Variants in CSGALNACT1 observed in about 807,000 individuals in gnomAD.
CSGALNACT1 encodes the protein beta4GalNAcT-1.
Under a neutral mutation model 51.0 loss-of-function variants are expected in CSGALNACT1, and 52 were observed. The observed-to-expected ratio is 1.02, with a 90% CI of 0.82 to 1.29. The LOEUF (loss-of-function observed/expected upper bound fraction) is 1.29. CSGALNACT1 is among the 50% of genes most tolerant of loss of function. The pLI, the probability that CSGALNACT1 is intolerant of heterozygous loss-of-function variation, is 0.00. For missense variants in CSGALNACT1, 935 were observed against 679.2 expected (o/e 1.38, Z -4.19); for synonymous variants, 341 against 254.4 (o/e 1.34, Z -3.24).
chr8:19,410,321 G>T (rs1288351841), intron 8 of CSGALNACT1, among the ~76,000 whole-genome samples: 1 of 152,174 alleles, frequency 6.6e-6, no homozygotes, highest in Non-Finnish European at 1.5e-5. Context: ...TTGTAAGGCG[G>T]CAAAGTCTGG....
chr8:19,579,895 A>T (rs1382583122), intron 3 of CSGALNACT1, among the ~76,000 whole-genome samples: 1 of 152,248 alleles, frequency 6.6e-6, no homozygotes, highest in Admixed American at 6.5e-5. Flanking sequence ...GAGAACAATT[A>T]CAAAAGCTGG....
At chr8:19,464,967 G>C (rs1363575665) in intron 4 of CSGALNACT1, among the ~76,000 whole-genome samples, 3 of 152,224 alleles carry the variant, frequency 2.0e-5, no homozygotes, top group Non-Finnish European at 4.4e-5. Context: ...AATACCATAT[G>C]ATTCAGCAAT....
At chr8:19,493,032 G>A (rs1419639067) in intron 4 of CSGALNACT1, among the ~76,000 whole-genome samples, 3 of 145,676 alleles carry the variant, frequency 2.1e-5, no homozygotes, top group Non-Finnish European at 4.5e-5. Flanking sequence ...CAATAAATTC[G>A]ATAGCTGCCT....
At chr8:19,649,261 C>G (rs1310017392) in intron 1 of CSGALNACT1, among the ~76,000 whole-genome samples, 1 of 152,114 alleles carries the variant, frequency 6.6e-6, no homozygotes, top group Admixed American at 6.6e-5. Flanking sequence ...CTACAAAGAA[C>G]CTCCTAGTGT....
intron 4 of CSGALNACT1, among the ~76,000 whole-genome samples, chr8:19,479,608 TAAG>T (rs1445447480): frequency 6.6e-6 from 1 of 152,148 alleles, no homozygotes; most frequent in Non-Finnish European, 1.5e-5. Flanking sequence ...ATGAAAGGTA[TAAG>T]AAGTGCTGTT....
chr8:19,494,737 A>G (rs527907861), intron 4 of CSGALNACT1, among the ~76,000 whole-genome samples: 2 of 152,234 alleles, frequency 1.3e-5, no homozygotes, highest in East Asian at 3.9e-4. Flanking sequence ...GTTCTTTACA[A>G]TCAGCACCCT....
intron 3 of CSGALNACT1, among the ~76,000 whole-genome samples, chr8:19,513,217 G>T (rs967392740): frequency 1.3e-5 from 2 of 151,998 alleles, no homozygotes; most frequent in African/African-American, 4.8e-5. Context: ...CTGAATATTA[G>T]AGGTGGGTGG....
intron 5 of CSGALNACT1, among the ~76,000 whole-genome samples, chr8:19,443,382 C>T (rs554140229): frequency 8.2e-4 from 125 of 152,202 alleles, no homozygotes; most frequent in African/African-American, 2.9e-3. Context: ...TGTACAGTTT[C>T]CCCTCAGTAT....
chr8:19,727,322 G>A (rs1445235036), intron 1 of CSGALNACT1, among the ~76,000 whole-genome samples: 1 of 95,696 alleles, frequency 1.0e-5, no homozygotes, highest in East Asian at 4.5e-4. Context: ...GTTTTGTTTT[G>A]TTTGATTTGG....
At chr8:19,651,930 GTT>G (rs201687449) in intron 1 of CSGALNACT1, among the ~76,000 whole-genome samples, 2 of 145,562 alleles carry the variant, frequency 1.4e-5, no homozygotes, top group African/African-American at 2.6e-5. Flanking sequence ...TTTTTGTTTT[GTT>G]TTGTTTTGAC....
intron 3 of CSGALNACT1, among the ~76,000 whole-genome samples, chr8:19,522,099 G>C (rs934864219): frequency 6.6e-6 from 1 of 152,168 alleles, no homozygotes; most frequent in African/African-American, 2.4e-5. Flanking sequence ...GCACAGAAAG[G>C]CTTGTCTTAT....
chr8:19,738,301 G>A (rs956575980), intron 1 of CSGALNACT1, among the ~76,000 whole-genome samples: 2 of 152,176 alleles, frequency 1.3e-5, no homozygotes, highest in East Asian at 3.8e-4. Flanking sequence ...GCTTTAAAAA[G>A]AAAGAAAATT....
In CSGALNACT1 at chr8:19,440,071, G is replaced by C. The variant is rs4922024; in HGVS notation, c.852-140C>G. 40,183 of 726,810 alleles carry C rather than the reference G, an allele frequency of 0.055. 1,298 individuals carry two copies. Among genetic ancestry groups the C allele is most frequent in the Non-Finnish European group, 0.065 (26,279 of 407,032 alleles). The allele number at this position is 726,810 out of a possible 1,614,324, so 45.0% of individuals were successfully genotyped here. On this transcript the variant is annotated intron_variant, in intron 5 of 9. Coordinates refer to ENST00000454498, the Ensembl canonical transcript of CSGALNACT1. ...CCAGGAGAGCCGAGATGGGAATCCAGAACCTTTCTGGTTGGCCATTCCAAC... is the reference window on the plus strand; with the variant it reads ...CCAGGAGAGCCGAGATGGGAATCCACAACCTTTCTGGTTGGCCATTCCAAC...
At chr8:19,737,655 T>A (rs762693064) in intron 1 of CSGALNACT1, among the ~76,000 whole-genome samples, 15 of 151,336 alleles carry the variant, frequency 9.9e-5, no homozygotes, top group African/African-American at 2.9e-4. Context: ...AAATGAAACA[T>A]AAAAGAAGTA....
At chr8:19,492,376 A>C (rs1233971726) in intron 4 of CSGALNACT1, among the ~76,000 whole-genome samples, 1 of 152,206 alleles carries the variant, frequency 6.6e-6, no homozygotes, top group African/African-American at 2.4e-5. Flanking sequence ...TTGTTGAGTA[A>C]TTATCCCAGG....
At chr8:19,753,894 A>G (rs1257296453) in intron 1 of CSGALNACT1, among the ~76,000 whole-genome samples, 1 of 152,232 alleles carries the variant, frequency 6.6e-6, no homozygotes, top group African/African-American at 2.4e-5. Context: ...TGTTCAATAA[A>G]TATTCTCAAG....
At chr8:19,579,132 A>G (rs111490236) in intron 3 of CSGALNACT1, among the ~76,000 whole-genome samples, 130 of 152,278 alleles carry the variant, frequency 8.5e-4, no homozygotes, top group African/African-American at 3.0e-3. Flanking sequence ...AAAGTGCCAT[A>G]CTCAAAATCC....
intron 3 of CSGALNACT1, among the ~76,000 whole-genome samples, chr8:19,585,632 A>T (rs982322115): frequency 2.0e-5 from 3 of 152,140 alleles, no homozygotes; most frequent in African/African-American, 7.2e-5. Flanking sequence ...GTAAAAACCC[A>T]TTAATCTTAC....
chr8:19,679,043 C>T (rs188918814), intron 1 of CSGALNACT1, among the ~76,000 whole-genome samples: 92 of 152,202 alleles, frequency 6.0e-4, no homozygotes, highest in African/African-American at 2.1e-3. Context: ...GTCTTACAAA[C>T]GTTATGCAAT....
Sources: allele counts gnomAD v4.1 joint callset (sites outside exome capture counted in the v4.1 genomes callset), GRCh38; gene constraint gnomAD v4.1.1; transcripts MANE v1.5; gene names NCBI Gene and HGNC (gene_info 2026-07-23, HGNC 2026-07-21).